Variants in PHIP observed in about 807,000 individuals in gnomAD.
PHIP encodes PHIP subunit of CUL4-Ring ligase complex.
In PHIP, 54 loss-of-function variants were observed where a neutral mutation model predicts 236.8. The observed-to-expected ratio is 0.23, with a 90% CI of 0.18 to 0.29. The LOEUF is 0.29. PHIP is among the 10% of genes least tolerant of loss of function. The pLI is 1.00. For missense variants in PHIP, 1,370 were observed against 2,190.8 expected (o/e 0.63, Z 7.48); for synonymous variants, 756 against 718.9 (o/e 1.05, Z -0.83).
At chr6:78,975,278 G>A (rs1767961904) in intron 24 of PHIP, among the ~76,000 whole-genome samples, 2 of 152,056 alleles carry the variant, frequency 1.3e-5, no homozygotes. Context: ...AAAACCACAT[G>A]ATTATCTCAA....
At position 78,940,726 on chromosome 6, in the gene PHIP, A is replaced by T; in HGVS notation, c.5433T>A (p.Thr1811=). The T allele has an allele frequency of 6.2e-7, 1 of 1,611,650 alleles. No homozygotes were observed. Among genetic ancestry groups the T allele is most frequent in the South Asian group, 1.1e-5 (1 of 90,864 alleles). The change falls in exon 40 of 40, where the codon ACT becomes ACA. Residue 1811 remains threonine, a synonymous_variant. Coordinates refer to ENST00000275034, the MANE Select transcript of PHIP (RefSeq NM_017934.7). ...TSSRGRVRKL[T]EKAKANLIGW is the part of the protein sequence containing the mutation. ...CAATTAAATTAGCTTTTGCTTTTTC[A>T]GTCAACTTTCGGACTCGTCCTCTAC...
intron 23 of PHIP, 93 bp from the exon 24 acceptor site, chr6:78,978,804 T>TA (rs1170400124): frequency 3.1e-5 from 32 of 1,031,664 alleles, no homozygotes; most frequent in Non-Finnish European, 4.3e-5. Context: ...GATAATTAAA[T>TA]AAAAGGGGAA....
intron 7 of PHIP, among the ~76,000 whole-genome samples, chr6:79,030,931 G>GTTTTT (rs565573763): frequency 6.6e-6 from 1 of 150,602 alleles, no homozygotes; most frequent in Admixed American, 6.6e-5. Context: ...TTTCTTTCTT[G>GTTTTT]TTTTTTTTTG....
At position 78,940,548 on chromosome 6, in the gene PHIP, G is replaced by T. The variant is rs75540338; in HGVS notation, c.*145C>A. The T allele has an allele frequency of 4.4e-3, 365 of 82,674 alleles. No individual in the cohort carries two copies. The highest frequency in any genetic ancestry group is 7.1e-3 in the East Asian group (19 of 2,688). 5.1% of individuals were successfully genotyped at this position (82,674 alleles called of 1,614,324 possible). A position where few individuals can be genotyped will look rare whatever the true frequency, so the allele number is the denominator to read the frequency against. On this transcript the variant is annotated 3_prime_UTR_variant, in exon 40 of 40. Transcript: ENST00000275034. ...AAGAAGTGAAGTGTCTCGTAAGTTT[G>T]TTTTTTTTTTTTTTTTTTTTTTTGC...
At chr6:79,074,324 T>C (rs914731208) in intron 4 of PHIP, among the ~76,000 whole-genome samples, 1 of 151,988 alleles carries the variant, frequency 6.6e-6, no homozygotes, top group Non-Finnish European at 1.5e-5. Context: ...TTCGGTAAAA[T>C]GCTTGAAAAT....
At chr6:78,972,704 C>T (rs931609128) in intron 24 of PHIP, among the ~76,000 whole-genome samples, 6 of 152,060 alleles carry the variant, frequency 3.9e-5, no homozygotes, top group African/African-American at 1.4e-4. Flanking sequence ...GAGCTGAAAA[C>T]CAAGGCTCGA....
At position 78,946,853 on chromosome 6, in the gene PHIP, G is replaced by A. The variant is rs2275290; in HGVS notation, c.4228C>T (p.Leu1410=). Residue 1410 remains leucine, a synonymous_variant, in exon 37 of 40, where the codon CTG becomes TTG. Coordinates refer to ENST00000275034, the MANE Select transcript of PHIP (RefSeq NM_017934.7). ...RSRIYSMSLR[L]SAFFEEHISS... is the part of the protein sequence containing the mutation. ...ATGTGTTCTTCAAAGAAAGCAGACAGGCGCAAACTCATGCTGTAAATCTGT... is the reference window on the plus strand; with the variant it reads ...ATGTGTTCTTCAAAGAAAGCAGACAAGCGCAAACTCATGCTGTAAATCTGT... 525,173 of 1,559,242 alleles carry A rather than the reference G, an allele frequency of 0.34. 91,143 individuals carry two copies. Among genetic ancestry groups the A allele is most frequent in the Non-Finnish European group, 0.35 (406,296 of 1,155,496 alleles).
Position 79,015,220 on chromosome 6 carries a change from A to G in PHIP, c.1390-4T>C, listed in dbSNP as rs1173249186. On this transcript the variant is annotated splice_polypyrimidine_tract_variant and splice_region_variant and intron_variant, in intron 14 of 39. Coordinates refer to ENST00000275034, the MANE Select transcript of PHIP (RefSeq NM_017934.7). ...CAAATACCTCATCTTCATGACCCTG[A>G]AATATTTTTGAAGTGTCAAAGAATC... 7 of 1,604,576 alleles carry G rather than the reference A, an allele frequency of 4.4e-6. No homozygotes were observed. The highest frequency in any genetic ancestry group is 6.0e-6 in the Non-Finnish European group (7 of 1,172,446).
chr6:78,986,877 A>G (rs1053406185), intron 21 of PHIP, among the ~76,000 whole-genome samples: 1 of 152,186 alleles, frequency 6.6e-6, no homozygotes, highest in African/African-American at 2.4e-5. Context: ...TCGATATAAC[A>G]AATCTAAGCA....
At chr6:79,032,602 AC>A (rs1383518489) in intron 7 of PHIP, among the ~76,000 whole-genome samples, 1 of 152,066 alleles carries the variant, frequency 6.6e-6, no homozygotes, top group Non-Finnish European at 1.5e-5. Context: ...ATTCAGTCAG[AC>A]CTTCAGGCTC....
chr6:79,051,857 T>C (rs994179835), intron 6 of PHIP, among the ~76,000 whole-genome samples: 1 of 152,322 alleles, frequency 6.6e-6, no homozygotes. Flanking sequence ...TATTTTAAAA[T>C]GTTTACAGTT....
chr6:78,972,096 C>T (rs965663682), intron 24 of PHIP, among the ~76,000 whole-genome samples: 11 of 152,120 alleles, frequency 7.2e-5, no homozygotes, highest in African/African-American at 2.4e-4. Flanking sequence ...AACAAAAAGA[C>T]AGCAGTAACC....
In PHIP at chr6:78,970,164, G is replaced by A; in HGVS notation, c.3007C>T (p.Leu1003Phe). 1 of 1,611,288 alleles carries A rather than the reference G, an allele frequency of 6.2e-7. No homozygotes were observed. Residue 1003 changes from leucine (L) to phenylalanine (F), a missense_variant, in exon 26 of 40, where the codon CTT (leucine) becomes TTT (phenylalanine). By Grantham distance (22) the Leu-to-Phe change is conservative. Transcript: ENST00000275034. ...TACTTTATGCCAACTATTTTCATAA[G>A]TTCTTGTTCCTGAGAGAGACAGAGA... The part of the protein sequence containing the change: ...WHKMELREQE[L>F]MKIVGIKYEV...
chr6:78,946,680 C>A, intron 37 of PHIP, 31 bp downstream of exon 37: 3 of 1,507,158 alleles, frequency 2.0e-6, no homozygotes, highest in South Asian at 2.6e-5. Flanking sequence ...AGTTATAGAT[C>A]AGCTAGTGGT....
intron 6 of PHIP, among the ~76,000 whole-genome samples, chr6:79,052,877 A>G (rs1772868598): frequency 6.6e-6 from 1 of 152,218 alleles, no homozygotes; most frequent in East Asian, 1.9e-4. Flanking sequence ...CACATAAAGA[A>G]TTTCACAGAG....
At chr6:79,005,286 T>C (rs1328358878) in intron 15 of PHIP, among the ~76,000 whole-genome samples, 1 of 151,954 alleles carries the variant, frequency 6.6e-6, no homozygotes, top group Non-Finnish European at 1.5e-5. Flanking sequence ...AAGTCTACTT[T>C]AAAACAATTC....
intron 15 of PHIP, among the ~76,000 whole-genome samples, chr6:79,012,668 T>C (rs966052457): frequency 3.3e-5 from 5 of 151,706 alleles, no homozygotes; most frequent in Admixed American, 6.6e-5. Flanking sequence ...GAGAGCCAAA[T>C]AGCTATAATT....
At chr6:78,944,825 C>G (rs951505560) in intron 39 of PHIP, among the ~76,000 whole-genome samples, 1 of 152,118 alleles carries the variant, frequency 6.6e-6, no homozygotes, top group African/African-American at 2.4e-5. Flanking sequence ...TTATTATTTA[C>G]CTTCTTCATC....
chr6:79,045,116 A>G (rs1772412941), intron 6 of PHIP, among the ~76,000 whole-genome samples: 1 of 152,190 alleles, frequency 6.6e-6, no homozygotes, highest in Admixed American at 6.5e-5. Flanking sequence ...TATCTATACT[A>G]TGACTATATT....
Sources: allele counts gnomAD v4.1 joint callset (sites outside exome capture counted in the v4.1 genomes callset), GRCh38; gene constraint gnomAD v4.1.1; transcripts MANE v1.5; gene names NCBI Gene and HGNC (gene_info 2026-07-23, HGNC 2026-07-21).